Variants in PCDH7 observed in about 807,000 individuals in gnomAD.
PCDH7 encodes protocadherin-7.
In PCDH7, 17 loss-of-function variants were observed where a neutral mutation model predicts 58.9. The ratio of observed to expected loss-of-function variants is 0.29; its 90% CI spans 0.20 to 0.43. The LOEUF is 0.43. Among genes scored for constraint, PCDH7 ranks in the 20% least tolerant of loss-of-function variants. PCDH7 has a pLI of 1.00. For synonymous variants in PCDH7, 664 were observed against 616.4 expected (o/e 1.08, Z -1.14); for missense variants, 1,274 against 1,441.0 (o/e 0.88, Z 1.88).
exon 4 of PCDH7, chr4:31,142,854 T>A: frequency 3.7e-6 from 5 of 1,356,128 alleles, no homozygotes; most frequent in Non-Finnish European, 4.9e-6. Flanking sequence ...CTGTAGGCTA[T>A]AAAGGAGCAA....
intron 1 of PCDH7, among the ~76,000 whole-genome samples, chr4:30,796,062 G>C (rs1724733562): frequency 6.6e-6 from 1 of 152,090 alleles, no homozygotes; most frequent in Admixed American, 6.6e-5. Context: ...TTGATAAAAG[G>C]TGTCAGGCTG....
intron 1 of PCDH7, chr4:30,724,817 AAAG>A: frequency 2.9e-6 from 4 of 1,384,412 alleles, no homozygotes; most frequent in Non-Finnish European, 3.7e-6. Context: ...TAAACTACTG[AAAG>A]AAGTATTCAG....
chr4:30,991,058 C>G (rs992933388), intron 3 of PCDH7, among the ~76,000 whole-genome samples: 14 of 152,088 alleles, frequency 9.2e-5, no homozygotes, highest in Non-Finnish European at 1.9e-4. Flanking sequence ...TTGTCCACTT[C>G]TTCATCTGTT....
intron 3 of PCDH7, among the ~76,000 whole-genome samples, chr4:30,963,913 ATGAACCATTC>A (rs1748725870): frequency 6.6e-6 from 1 of 152,224 alleles, no homozygotes; most frequent in Non-Finnish European, 1.5e-5. Flanking sequence ...TTTTACATGG[ATGAACCATTC>A]CGGGACAATT....
intron 1 of PCDH7, among the ~76,000 whole-genome samples, chr4:30,872,606 C>T (rs1039864321): frequency 6.6e-6 from 1 of 151,878 alleles, no homozygotes; most frequent in Non-Finnish European, 1.5e-5. Flanking sequence ...GCTGTGATCT[C>T]GAATGGCTTA....
chr4:31,132,701 A>G (rs771996230), intron 3 of PCDH7, among the ~76,000 whole-genome samples: 3 of 152,158 alleles, frequency 2.0e-5, no homozygotes, highest in Non-Finnish European at 2.9e-5. Context: ...AATTCTATTA[A>G]CTTATAAACA....
chr4:31,124,298 A>G (rs1398841883), intron 3 of PCDH7, among the ~76,000 whole-genome samples: 1 of 152,166 alleles, frequency 6.6e-6, no homozygotes, highest in African/African-American at 2.4e-5. Flanking sequence ...GCATTTTCTC[A>G]TTTACTTCTC....
intron 1 of PCDH7, among the ~76,000 whole-genome samples, chr4:30,849,915 G>GA (rs750793794): frequency 4.6e-5 from 7 of 152,076 alleles, no homozygotes; most frequent in Non-Finnish European, 1.0e-4. Context: ...TTCTTCTCTT[G>GA]AAAGATGAAA....
At chr4:31,129,196 T>A (rs931748450) in intron 3 of PCDH7, among the ~76,000 whole-genome samples, 1 of 152,040 alleles carries the variant, frequency 6.6e-6, no homozygotes, top group Non-Finnish European at 1.5e-5. Flanking sequence ...ACAGAAAAGG[T>A]CATATGAATA....
intron 1 of PCDH7, among the ~76,000 whole-genome samples, chr4:30,763,848 G>A (rs1720356571): frequency 6.6e-6 from 1 of 151,842 alleles, no homozygotes. Context: ...TACACATTTT[G>A]AACATTAATT....
chr4:31,028,530 C>CT (rs1416126711), intron 3 of PCDH7, among the ~76,000 whole-genome samples: 2 of 151,934 alleles, frequency 1.3e-5, no homozygotes, highest in African/African-American at 2.4e-5. Context: ...GGTGGTACAC[C>CT]TGTAATCCTA....
intron 3 of PCDH7, among the ~76,000 whole-genome samples, chr4:31,070,945 C>CA (rs1438678355): frequency 6.6e-6 from 1 of 151,852 alleles, no homozygotes; most frequent in Non-Finnish European, 1.5e-5. Flanking sequence ...CAGGGCCATC[C>CA]AAAAAAGACA....
intron 1 of PCDH7, among the ~76,000 whole-genome samples, chr4:30,729,000 A>G (rs909686079): frequency 6.6e-6 from 1 of 151,920 alleles, no homozygotes; most frequent in Non-Finnish European, 1.5e-5. Context: ...AAAATATACT[A>G]TAATCAACAG....
intron 2 of PCDH7, among the ~76,000 whole-genome samples, chr4:30,945,609 C>G (rs1746577718): frequency 6.6e-6 from 1 of 151,762 alleles, no homozygotes; most frequent in Non-Finnish European, 1.5e-5. Context: ...CAAGTATTCT[C>G]TATTTATTTT....
chr4:30,972,787 G>C (rs1749711958), intron 3 of PCDH7, among the ~76,000 whole-genome samples: 1 of 152,080 alleles, frequency 6.6e-6, no homozygotes, highest in Non-Finnish European at 1.5e-5. Context: ...CATCTCAACT[G>C]TACCCCACCC....
At chr4:31,039,185 C>T (rs1314049793) in intron 3 of PCDH7, among the ~76,000 whole-genome samples, 1 of 152,088 alleles carries the variant, frequency 6.6e-6, no homozygotes, top group Non-Finnish European at 1.5e-5. Context: ...TGGCATTCTC[C>T]TTTAGCATTT....
intron 3 of PCDH7, among the ~76,000 whole-genome samples, chr4:30,954,708 C>A (rs1038764151): frequency 6.6e-6 from 1 of 152,088 alleles, no homozygotes; most frequent in Non-Finnish European, 1.5e-5. Context: ...CCTCTCAAGA[C>A]CTCATCAATG....
chr4:30,782,062 C>T (rs1722877166), intron 1 of PCDH7, among the ~76,000 whole-genome samples: 1 of 151,956 alleles, frequency 6.6e-6, no homozygotes, highest in Non-Finnish European at 1.5e-5. Flanking sequence ...GAAGTTGCTT[C>T]ATGTGTATGC....
At chr4:30,832,927 G>A (rs1729985775) in intron 1 of PCDH7, among the ~76,000 whole-genome samples, 1 of 152,150 alleles carries the variant, frequency 6.6e-6, no homozygotes, top group African/African-American at 2.4e-5. Flanking sequence ...GGTCACAGAA[G>A]GCAGGCTAAT....
Sources: gnomAD v4.1 joint callset for allele counts (sites outside exome capture counted in the v4.1 genomes callset) on GRCh38, gnomAD v4.1.1 for gene constraint, MANE v1.5 for transcripts, NCBI Gene and HGNC (gene_info 2026-07-23, HGNC 2026-07-21) for gene names.